RORB: variants seen among roughly 807,000 people sequenced by gnomAD.
RORB encodes the protein nuclear receptor ROR-beta.
In RORB, 6 loss-of-function variants were observed where a neutral mutation model predicts 59.1. The ratio of observed to expected loss-of-function variants is 0.10; its 90% CI spans 0.06 to 0.20. The LOEUF is 0.20. RORB is among the 10% of genes least tolerant of loss of function. The pLI is 1.00. For missense variants in RORB, 320 were observed against 560.5 expected (o/e 0.57, Z 4.33); for synonymous variants, 215 against 204.5 (o/e 1.05, Z -0.44).
intron 1 of RORB, among the ~76,000 whole-genome samples, chr9:74,552,063 G>T (rs994816180): frequency 6.6e-6 from 1 of 152,180 alleles, no homozygotes; most frequent in South Asian, 2.1e-4. Context: ...ATGCTGGGGG[G>T]CCGTCAGGTG....
At chr9:74,637,861 T>C (rs1266760870) in intron 3 of RORB, among the ~76,000 whole-genome samples, 3 of 152,218 alleles carry the variant, frequency 2.0e-5, no homozygotes, top group East Asian at 3.8e-4. Flanking sequence ...ACACTAGCTA[T>C]ATTTCTAGTG....
chr9:74,657,589 A>G (rs1263345110), intron 4 of RORB, among the ~76,000 whole-genome samples: 1 of 152,096 alleles, frequency 6.6e-6, no homozygotes, highest in Non-Finnish European at 1.5e-5. Context: ...CAACTCCTCT[A>G]TGGTTATTTT....
chr9:74,506,088 CTGATGTATAT>C (rs1825867573), intron 1 of RORB, among the ~76,000 whole-genome samples: 1 of 151,298 alleles, frequency 6.6e-6, no homozygotes, highest in African/African-American at 2.4e-5. Context: ...AAGGAAATGA[CTGATGTATAT>C]TGAGTTTCAT....
Position 74,684,946 on chromosome 9 carries a change from G to C in RORB, c.1225-517G>C, listed in dbSNP as rs576778378. Among the ~76,000 whole-genome samples, 54 of 152,280 alleles carry C rather than the reference G, an allele frequency of 3.5e-4. 1 individual carries two copies. In the South Asian group the frequency reaches 5.8e-3, roughly 16 times the overall value. On this transcript the variant is annotated intron_variant, in intron 9 of 9. Transcript: ENST00000376896. ...GTCACAAAAATCTATGGGAAATTAT[G>C]GGTAATAACAGTGTTCACTAACAAT...
In RORB at chr9:74,497,996, G is replaced by A. The variant is rs747220227; in HGVS notation, c.7+13G>A. 1.9e-6 allele frequency: 3 copies of A among 1,609,810 alleles called. No homozygotes were observed. The highest frequency in any genetic ancestry group is 2.5e-6 in the Non-Finnish European group (3 of 1,179,450). On this transcript the variant is annotated intron_variant, in intron 1 of 9. Coordinates refer to ENST00000376896, the MANE Select transcript of RORB (RefSeq NM_006914.4). ...CACACCATGCGAGGTAAGCGAGTCT[G>A]CGGGCACCGAGGCTCCCCGAGTCCG...
chr9:74,674,634 C>T (rs73549425), intron 9 of RORB, among the ~76,000 whole-genome samples: 7,598 of 152,186 alleles, frequency 0.05, 595 homozygotes, highest in African/African-American at 0.17. Context: ...CTACTTTGGG[C>T]CAAACTTTAA....
intron 1 of RORB, among the ~76,000 whole-genome samples, chr9:74,613,383 A>G (rs1320808560): frequency 1.3e-5 from 2 of 152,164 alleles, no homozygotes; most frequent in Admixed American, 1.3e-4. Context: ...CATAACAAAT[A>G]CCTAAGTGCT....
intron 1 of RORB, among the ~76,000 whole-genome samples, chr9:74,588,097 G>T (rs1291431245): frequency 6.6e-6 from 1 of 152,012 alleles, no homozygotes; most frequent in African/African-American, 2.4e-5. Flanking sequence ...TCTGCATTTA[G>T]AAGACAATTT....
chr9:74,661,655 T>A (rs1824185250), intron 5 of RORB, among the ~76,000 whole-genome samples: 1 of 139,252 alleles, frequency 7.2e-6, no homozygotes, highest in Non-Finnish European at 1.5e-5. Context: ...TTTTTTTTTT[T>A]TTTTTTTGAG....
chr9:74,549,229 T>C (rs1360034962), intron 1 of RORB, among the ~76,000 whole-genome samples: 1 of 152,006 alleles, frequency 6.6e-6, no homozygotes, highest in Non-Finnish European at 1.5e-5. Flanking sequence ...GCGGATCACC[T>C]GAGGTCAGGA....
At chr9:74,563,951 G>A (rs1822436179) in intron 1 of RORB, among the ~76,000 whole-genome samples, 1 of 152,190 alleles carries the variant, frequency 6.6e-6, no homozygotes, top group Admixed American at 6.5e-5. Context: ...GCCTTCTGAG[G>A]CCCAAAACAA....
At chr9:74,614,262 G>T (rs1328612589) in intron 1 of RORB, among the ~76,000 whole-genome samples, 1 of 152,190 alleles carries the variant, frequency 6.6e-6, no homozygotes. Context: ...CAGTGGGGTA[G>T]TACGGAGGGC....
At chr9:74,521,176 G>A (rs2118069166) in intron 1 of RORB, among the ~76,000 whole-genome samples, 1 of 151,954 alleles carries the variant, frequency 6.6e-6, no homozygotes, top group South Asian at 2.1e-4. Context: ...TCCAAATAAT[G>A]TTTCACTTAA....
At chr9:74,639,544 T>A (rs1255586529) in intron 3 of RORB, among the ~76,000 whole-genome samples, 2 of 152,134 alleles carry the variant, frequency 1.3e-5, no homozygotes, top group Non-Finnish European at 2.9e-5. Flanking sequence ...TATGTTTTTG[T>A]GTTGGAAGAG....
chr9:74,638,801 C>T (rs1563960782), intron 3 of RORB, among the ~76,000 whole-genome samples: 1 of 152,152 alleles, frequency 6.6e-6, no homozygotes, highest in South Asian at 2.1e-4. Context: ...AACTGAAACA[C>T]TGGCTCATCA....
intron 1 of RORB, among the ~76,000 whole-genome samples, chr9:74,586,936 A>G (rs1244254673): frequency 3.3e-5 from 5 of 152,120 alleles, no homozygotes; most frequent in Admixed American, 6.6e-5. Flanking sequence ...GCTCCATACT[A>G]TGTCATATCT....
intron 1 of RORB, among the ~76,000 whole-genome samples, chr9:74,532,652 TGTGTGTATACATATATTAAATATAC>T (rs1826259519): frequency 6.6e-6 from 1 of 151,130 alleles, no homozygotes; most frequent in South Asian, 2.1e-4. Flanking sequence ...ATTCCATATA[TGTGTGTATACATATATTAAATATAC>T]GTATTATATA....
At chr9:74,515,174 A>T (rs1451388307) in intron 1 of RORB, among the ~76,000 whole-genome samples, 1 of 151,096 alleles carries the variant, frequency 6.6e-6, no homozygotes, top group East Asian at 1.9e-4. Context: ...CCATTATAGC[A>T]CTTACGTGTC....
chr9:74,629,240 C>G (rs1468958351), intron 1 of RORB, among the ~76,000 whole-genome samples: 1 of 150,926 alleles, frequency 6.6e-6, no homozygotes. Flanking sequence ...TTTAGTTGGT[C>G]TTCTGCTTGT....
Sources: gnomAD v4.1 joint callset for allele counts (sites outside exome capture counted in the v4.1 genomes callset) on GRCh38, gnomAD v4.1.1 for gene constraint, MANE v1.5 for transcripts, NCBI Gene and HGNC (gene_info 2026-07-23, HGNC 2026-07-21) for gene names.